Variants in SEC31B observed in about 807,000 individuals in gnomAD.
SEC31B encodes the protein protein transport protein Sec31B.
Under a neutral mutation model 135.0 loss-of-function variants are expected in SEC31B, and 113 were observed. That is an observed-to-expected ratio of 0.84 (90% CI 0.72 to 0.98). SEC31B has a LOEUF of 0.98. Among genes scored for constraint, SEC31B ranks in the 50% least tolerant of loss-of-function variants. The pLI, the probability that SEC31B is intolerant of heterozygous loss-of-function variation, is 0.00. For missense variants in SEC31B, 1,296 were observed against 1,421.1 expected (o/e 0.91, Z 1.42); for synonymous variants, 508 against 549.4 (o/e 0.92, Z 1.05).
At chr10:100,489,105 C>T (rs1851247850) in intron 23 of SEC31B, 131 bp from the exon 24 acceptor site, 2 of 1,457,884 alleles carry the variant, frequency 1.4e-6, no homozygotes, top group Admixed American at 2.7e-5. Flanking sequence ...GATGAGCAGC[C>T]TCCCTTTCTC....
chr10:100,487,962 C>T, intron 25 of SEC31B, 65 bp downstream of exon 25: 5 of 1,565,234 alleles, frequency 3.2e-6, no homozygotes, highest in Non-Finnish European at 4.4e-6. Flanking sequence ...AGACACTGGG[C>T]TTCCTTTGGC....
intron 19 of SEC31B, among the ~76,000 whole-genome samples, chr10:100,493,594 C>T (rs1851345926): frequency 6.6e-6 from 1 of 151,944 alleles, no homozygotes; most frequent in Non-Finnish European, 1.5e-5. Context: ...TTGGTGAAGC[C>T]AAGGATGAGG....
chr10:100,510,520 T>C (rs1019251373), intron 3 of SEC31B, among the ~76,000 whole-genome samples: 1 of 152,236 alleles, frequency 6.6e-6, no homozygotes, highest in Non-Finnish European at 1.5e-5. Context: ...GTGAAATCCC[T>C]GAAGCCTCAT....
chr10:100,513,716 C>T (rs545104053), intron 3 of SEC31B, among the ~76,000 whole-genome samples: 88 of 151,912 alleles, frequency 5.8e-4, no homozygotes, highest in Non-Finnish European at 1.1e-3. Flanking sequence ...GCGATCCACC[C>T]GTCTCAGCCT....
Position 100,498,218 on chromosome 10 carries a change from A to T in SEC31B, c.1685-11T>A. On this transcript the variant is annotated splice_polypyrimidine_tract_variant and intron_variant, in intron 14 of 25. Coordinates refer to ENST00000370345, the MANE Select transcript of SEC31B (RefSeq NM_015490.4). ...GGAGTCCATCAATATCTGCAGGCAG[A>T]AGCATCCCCTGTGCATTAGTTGCTC... The T allele has an allele frequency of 6.2e-7, 1 of 1,613,980 alleles. No individual in the cohort carries two copies. Among genetic ancestry groups the T allele is most frequent in the Non-Finnish European group, 8.5e-7 (1 of 1,179,936 alleles).
At position 100,488,442 on chromosome 10, in the gene SEC31B, A is replaced by G. The variant is rs11190582; in HGVS notation, c.3289-344T>C. On this transcript the variant is annotated intron_variant, in intron 24 of 25. Coordinates refer to ENST00000370345, the MANE Select transcript of SEC31B (RefSeq NM_015490.4). ...CCACTGCACTCCAGCCTGGGCGACA[A>G]AGCGAGACTCCATCTCAAAAAAAAA... 6.8e-3 allele frequency among the ~76,000 whole-genome samples: 987 copies of G among 144,416 alleles called. 4 individuals carry two copies. Among genetic ancestry groups the G allele is most frequent in the African/African-American group, 0.021 (789 of 37,976 alleles). 94.7% of individuals were successfully genotyped at this position (144,416 alleles called of 152,430 possible). A position where few individuals can be genotyped will look rare whatever the true frequency, so the allele number is the denominator to read the frequency against.
intron 18 of SEC31B, 128 bp from the exon 19 acceptor site, chr10:100,495,674 G>C: frequency 9.8e-7 from 1 of 1,018,992 alleles, no homozygotes; most frequent in East Asian, 2.6e-5. Flanking sequence ...TGTTGTTGTT[G>C]TTCTGTTCTG....
Position 100,497,746 on chromosome 10 carries a change from G to A in SEC31B, c.1911C>T (p.Thr637=), listed in dbSNP as rs148205628. ...VQKNWKDVVC[T]CSLKNWREAL... Reference sequence around the variant, plus strand: ...CCTCTCTCCAGTTCTTCAGGCTACAGGTACACACCACATCCTTCCAATTCT... The same window carrying A: ...CCTCTCTCCAGTTCTTCAGGCTACAAGTACACACCACATCCTTCCAATTCT... Residue 637 remains threonine, a synonymous_variant, in exon 16 of 26, where the codon ACC becomes ACT. Coordinates refer to ENST00000370345, the MANE Select transcript of SEC31B (RefSeq NM_015490.4). 26 of 1,614,204 alleles carry A rather than the reference G, an allele frequency of 1.6e-5. No homozygotes were observed. The highest frequency in any genetic ancestry group is 2.2e-5 in the Non-Finnish European group (26 of 1,180,038).
intron 6 of SEC31B, 124 bp downstream of exon 6, chr10:100,507,784 A>G: frequency 7.2e-7 from 1 of 1,394,252 alleles, no homozygotes; most frequent in Non-Finnish European, 1.0e-6. Flanking sequence ...AAATGTGCTA[A>G]GCGGCTGACT....
At chr10:100,505,158 T>C (rs1319949328) in intron 10 of SEC31B, among the ~76,000 whole-genome samples, 7 of 152,090 alleles carry the variant, frequency 4.6e-5, no homozygotes, top group African/African-American at 7.2e-5. Context: ...GCAGAAGATA[T>C]AGAATGGGTG....
At chr10:100,504,620 G>A (rs988102270) in intron 10 of SEC31B, among the ~76,000 whole-genome samples, 1 of 152,128 alleles carries the variant, frequency 6.6e-6, no homozygotes, top group Non-Finnish European at 1.5e-5. Context: ...ACTTAGTAGG[G>A]TAATATGCAT....
At chr10:100,510,581 C>T (rs769135688) in intron 3 of SEC31B, among the ~76,000 whole-genome samples, 1 of 152,206 alleles carries the variant, frequency 6.6e-6, no homozygotes, top group Non-Finnish European at 1.5e-5. Flanking sequence ...ATTTCCACAG[C>T]CCTTTGGAGA....
chr10:100,496,776 A>T (rs1046847110), intron 17 of SEC31B, among the ~76,000 whole-genome samples: 1 of 152,230 alleles, frequency 6.6e-6, no homozygotes, highest in Admixed American at 6.5e-5. Context: ...TCTCTCCATG[A>T]GTCTGTGACC....
chr10:100,489,031 T>C lies in SEC31B; in HGVS notation c.3172-57A>G, dbSNP rs1425998739. 3.2e-6 allele frequency: 5 copies of C among 1,553,996 alleles called. No homozygotes were observed. The East Asian group carries it at 1.1e-4, about 35-fold the overall frequency. ...AGGGGCAAGCTGTCCTTCTCATGGC[T>C]TCCCTAAGGACTAGTCCCCAGTGAC... On this transcript the variant is annotated intron_variant, in intron 23 of 25. Transcript: ENST00000370345.
intron 20 of SEC31B, 121 bp from the exon 21 acceptor site, chr10:100,490,443 G>T: frequency 1.8e-6 from 2 of 1,083,386 alleles, no homozygotes; most frequent in Non-Finnish European, 2.6e-6. Context: ...CATGTATATG[G>T]AAATCTATAA....
At position 100,500,187 on chromosome 10, in the gene SEC31B, A is replaced by G. The variant is rs1460386277; in HGVS notation, c.1411-589T>C. The stretch of plus-strand genomic sequence containing the variant: ...GAAGAAGAGAACTCTGAATTACTGC[A>G]TGACTGCTGAAAGGGCTCCCACAGA... On this transcript the variant is annotated intron_variant, in intron 11 of 25. Coordinates refer to ENST00000370345, the MANE Select transcript of SEC31B (RefSeq NM_015490.4). 6.6e-6 allele frequency: 3 copies of G among 456,504 alleles called. No homozygotes were observed. In the Admixed American group the frequency reaches 7.1e-5, roughly 11 times the overall value. The allele number at this position is 456,504 out of a possible 1,614,324, so 28.3% of individuals were successfully genotyped here. A position where few individuals can be genotyped will look rare whatever the true frequency, so the allele number is the denominator to read the frequency against.
chr10:100,505,061 C>T (rs114925257), intron 10 of SEC31B, among the ~76,000 whole-genome samples: 9 of 151,642 alleles, frequency 5.9e-5, no homozygotes, highest in Non-Finnish European at 8.8e-5. Context: ...AGTCCAGACA[C>T]GTAAGGGTTA....
Position 100,502,444 on chromosome 10 carries a change from G to C in SEC31B, c.1220C>G (p.Pro407Arg). 1 of 1,613,914 alleles carries C rather than the reference G, an allele frequency of 6.2e-7. No individual in the cohort carries two copies. Among genetic ancestry groups the C allele is most frequent in the Non-Finnish European group, 8.5e-7 (1 of 1,180,000 alleles). ...KLVTFGLPST[P>R]AHLVPQPCPR... is the part of the protein sequence containing the mutation. ...GCAAGGCTGTGGCACCAGATGGGCA[G>C]GGGTGCTGGGGAGGCCAAAAGTAAC... is the stretch of plus-strand genomic sequence containing the variant. Residue 407 changes from proline (P) to arginine (R), a missense_variant, in exon 11 of 26, where the codon CCT becomes CGT. Transcript: ENST00000370345.
intron 12 of SEC31B, 116 bp from the exon 13 acceptor site, chr10:100,499,374 T>G (rs1461723598): frequency 1.4e-5 from 15 of 1,110,152 alleles, no homozygotes; most frequent in Non-Finnish European, 2.0e-5. Flanking sequence ...CTGATCTATT[T>G]TTTTCTGAGA....
Sources: allele counts gnomAD v4.1 joint callset (sites outside exome capture counted in the v4.1 genomes callset), GRCh38; gene constraint gnomAD v4.1.1; transcripts MANE v1.5; gene names NCBI Gene and HGNC (gene_info 2026-07-23, HGNC 2026-07-21).